Variants in RNF212 observed in about 807,000 individuals in gnomAD.
The protein encoded by RNF212 is ring finger protein 212.
A neutral mutation model predicts 34.7 loss-of-function variants in RNF212; 33 were observed. The observed-to-expected ratio is 0.95, with a 90% CI of 0.72 to 1.27. The LOEUF is 1.27. Among genes scored for constraint, RNF212 ranks in the 50% most tolerant of loss-of-function variants. The pLI, the probability that RNF212 is intolerant of heterozygous loss-of-function variation, is 0.00. For missense variants in RNF212, 377 were observed against 362.2 expected (o/e 1.04, Z -0.33); for synonymous variants, 140 against 136.1 (o/e 1.03, Z -0.20).
At chr4:1,079,153 CAGGACCAACAT>C (rs1049464176) in intron 8 of RNF212, among the ~76,000 whole-genome samples, 8 of 151,546 alleles carry the variant, frequency 5.3e-5, no homozygotes, top group South Asian at 2.1e-4. Flanking sequence ...AGGGTCAACA[CAGGACCAACAT>C]AGGACCAACA....
At chr4:1,102,913 G>A (rs372843539) in intron 2 of RNF212, among the ~76,000 whole-genome samples, 16 of 118,440 alleles carry the variant, frequency 1.4e-4, no homozygotes, top group African/African-American at 3.8e-4. Flanking sequence ...AGGCCGAGGC[G>A]GGTGGATCAC....
chr4:1,092,863 A>G (rs1722412554), intron 3 of RNF212, among the ~76,000 whole-genome samples: 1 of 152,224 alleles, frequency 6.6e-6, no homozygotes, highest in Non-Finnish European at 1.5e-5. Context: ...GACTCTCGCC[A>G]AGAGGCCAGG....
At chr4:1,099,858 A>C (rs1266996681) in intron 2 of RNF212, 11 of 456,114 alleles carry the variant, frequency 2.4e-5, no homozygotes, top group Non-Finnish European at 4.4e-5. Flanking sequence ...TGCGGGATCC[A>C]CGGGGCTCTC....
intron 2 of RNF212, among the ~76,000 whole-genome samples, chr4:1,098,840 G>C (rs569858704): frequency 2.0e-5 from 3 of 152,178 alleles, no homozygotes; most frequent in African/African-American, 7.2e-5. Flanking sequence ...CGCAGGGAGC[G>C]GGAACTGTCA....
intron 2 of RNF212, among the ~76,000 whole-genome samples, chr4:1,101,775 G>T (rs573406492): frequency 5.3e-5 from 8 of 152,108 alleles, no homozygotes; most frequent in Non-Finnish European, 1.0e-4. Flanking sequence ...CCTTCTCAGC[G>T]CAAAAATATC....
chr4:1,095,188 A>C (rs184182494), intron 3 of RNF212, among the ~76,000 whole-genome samples: 70 of 116,070 alleles, frequency 6.0e-4, no homozygotes, highest in Admixed American at 1.5e-3. Flanking sequence ...GGGATAGCGC[A>C]CCTGGCTCAT....
At chr4:1,101,218 G>T in intron 2 of RNF212, 1 of 276,112 alleles carries the variant, frequency 3.6e-6, no homozygotes. Flanking sequence ...TAGCCGTGGT[G>T]GCATCTCTAC....
chr4:1,084,674 C>G (rs1273021256), intron 5 of RNF212, among the ~76,000 whole-genome samples: 1 of 135,184 alleles, frequency 7.4e-6, no homozygotes, highest in Non-Finnish European at 1.5e-5. Context: ...GAGGCGTGAG[C>G]TGAGATCACG....
At chr4:1,086,954 G>A (rs1229500158) in intron 4 of RNF212, among the ~76,000 whole-genome samples, 1 of 9,914 alleles carries the variant, frequency 1.0e-4, no homozygotes, top group Non-Finnish European at 2.5e-4. Context: ...GGATGGGGTC[G>A]GGGAGAGAGG....
At chr4:1,067,969 A>C (rs149671814), downstream of RNF212, among the ~76,000 whole-genome samples, 1 of 152,322 alleles carries the variant, frequency 6.6e-6, no homozygotes, top group African/African-American at 2.4e-5. Context: ...GAAACTAAAG[A>C]AGCTCTAATC....
At chr4:1,068,244 G>A (rs1718216741), downstream of RNF212, among the ~76,000 whole-genome samples, 1 of 152,194 alleles carries the variant, frequency 6.6e-6, no homozygotes, top group Non-Finnish European at 1.5e-5. Context: ...AGATATTGTG[G>A]TATTTCTGAA....
intron 3 of RNF212, among the ~76,000 whole-genome samples, chr4:1,091,724 G>C (rs946935483): frequency 6.6e-6 from 1 of 152,230 alleles, no homozygotes; most frequent in Non-Finnish European, 1.5e-5. Flanking sequence ...TCCTCCATGA[G>C]AGGCCATCTC....
intron 2 of RNF212, chr4:1,100,600 G>C (rs1007034192): frequency 6.6e-6 from 1 of 152,008 alleles, no homozygotes; most frequent in Non-Finnish European, 1.5e-5. Context: ...GTAGAGATGG[G>C]GTTTCTCCTT....
intron 2 of RNF212, chr4:1,099,667 T>TG: frequency 2.3e-6 from 1 of 439,254 alleles, no homozygotes; most frequent in East Asian, 7.2e-5. Flanking sequence ...AAAAGGGGGG[T>TG]GTGTGCGCCA....
chr4:1,085,835 G>T, intron 5 of RNF212, 61 bp downstream of exon 5: 1 of 1,096,918 alleles, frequency 9.1e-7, no homozygotes, highest in Non-Finnish European at 1.4e-6. Flanking sequence ...AGAGCCAGAC[G>T]ACCAATGCAC....
intron 1 of RNF212, among the ~76,000 whole-genome samples, chr4:1,112,223 A>C (rs1439869354): frequency 6.6e-6 from 1 of 152,148 alleles, no homozygotes; most frequent in African/African-American, 2.4e-5. Context: ...GGCAAAGAGA[A>C]GGAAGGGAGA....
At chr4:1,111,048 C>A (rs565828012) in intron 1 of RNF212, among the ~76,000 whole-genome samples, 1 of 152,312 alleles carries the variant, frequency 6.6e-6, no homozygotes, top group South Asian at 2.1e-4. Flanking sequence ...CACGAAGGCA[C>A]ACGCGTCTCC....
intron 2 of RNF212, among the ~76,000 whole-genome samples, chr4:1,103,953 A>G (rs968382048): frequency 6.6e-6 from 1 of 152,234 alleles, no homozygotes; most frequent in Non-Finnish European, 1.5e-5. Flanking sequence ...CAAAGATAAC[A>G]TGTTGGCGTA....
At chr4:1,063,072 G>C (rs1394147889) in intron 3 of RNF212, among the ~76,000 whole-genome samples, 2 of 152,176 alleles carry the variant, frequency 1.3e-5, no homozygotes, top group Non-Finnish European at 2.9e-5. Flanking sequence ...TAAAGGTAAA[G>C]CTATGTCCAA....
Sources: gnomAD v4.1 joint callset for allele counts (sites outside exome capture counted in the v4.1 genomes callset) on GRCh38, gnomAD v4.1.1 for gene constraint, MANE v1.5 for transcripts, NCBI Gene and HGNC (gene_info 2026-07-23, HGNC 2026-07-21) for gene names.